Variants in OR2L13 observed in about 807,000 individuals in gnomAD.
OR2L13 encodes olfactory receptor family 2 subfamily L member 13.
OR2L13 carries 14 observed loss-of-function variants against 15.3 expected under a neutral mutation model. That is an observed-to-expected ratio of 0.91 (90% CI 0.60 to 1.43). The LOEUF is 1.43. Among genes scored for constraint, OR2L13 ranks in the 40% most tolerant of loss-of-function variants. OR2L13 has a pLI of 0.00. For missense variants in OR2L13, 367 were observed against 387.9 expected (o/e 0.95, Z 0.45); for synonymous variants, 152 against 142.9 (o/e 1.06, Z -0.45).
the OR2L13 span, among the ~76,000 whole-genome samples, chr1:248,051,393 TTGA>T: frequency 6.6e-6 from 1 of 152,250 alleles, no homozygotes; most frequent in South Asian, 2.1e-4. Context: ...GATTTCTTTG[TTGA>T]TGACCACTTG....
chr1:248,012,840 A>G, the OR2L13 span, among the ~76,000 whole-genome samples: 1 of 152,098 alleles, frequency 6.6e-6, no homozygotes. Context: ...AACATTTATA[A>G]AATTCCAAAT....
chr1:248,084,799 T>C, the OR2L13 span, among the ~76,000 whole-genome samples: 1 of 152,192 alleles, frequency 6.6e-6, no homozygotes, highest in Non-Finnish European at 1.5e-5. Flanking sequence ...ATTAAATTAC[T>C]ACATCCAGCA....
chr1:248,024,963 T>TG, the OR2L13 span, among the ~76,000 whole-genome samples: 7 of 152,176 alleles, frequency 4.6e-5, no homozygotes, highest in African/African-American at 1.4e-4. Context: ...GGTAGCTTGA[T>TG]GGGGTTGGCA....
At chr1:248,005,873 G>T in the OR2L13 span, among the ~76,000 whole-genome samples, 1 of 152,250 alleles carries the variant, frequency 6.6e-6, no homozygotes, top group South Asian at 2.1e-4. Flanking sequence ...CATACATTTT[G>T]AACTTGTTTT....
At chr1:248,034,229 A>G in the OR2L13 span, among the ~76,000 whole-genome samples, 33 of 152,282 alleles carry the variant, frequency 2.2e-4, no homozygotes, top group African/African-American at 7.2e-4. Context: ...AAATGACCAT[A>G]TTGCCAAAAC....
At chr1:247,951,928 C>G in the OR2L13 span, among the ~76,000 whole-genome samples, 2 of 152,064 alleles carry the variant, frequency 1.3e-5, no homozygotes, top group South Asian at 4.1e-4. Context: ...CCAGACACTG[C>G]TTGGGTCCTG....
chr1:248,053,135 G>A, the OR2L13 span, among the ~76,000 whole-genome samples: 1 of 152,070 alleles, frequency 6.6e-6, no homozygotes, highest in South Asian at 2.1e-4. Context: ...GCCCCAGTAA[G>A]TGTTGTTCTC....
the OR2L13 span, chr1:248,021,860 T>C: frequency 1.9e-6 from 2 of 1,067,044 alleles, no homozygotes; most frequent in Non-Finnish European, 2.8e-6. Context: ...ACTGGAGGCC[T>C]TGGAATGCAA....
the OR2L13 span, among the ~76,000 whole-genome samples, chr1:247,983,870 T>C: frequency 6.6e-6 from 1 of 152,216 alleles, no homozygotes; most frequent in Non-Finnish European, 1.5e-5. Context: ...TCTGCCTTAT[T>C]GGGAAGTGCT....
the OR2L13 span, among the ~76,000 whole-genome samples, chr1:248,026,203 G>A: frequency 6.6e-6 from 1 of 152,092 alleles, no homozygotes; most frequent in African/African-American, 2.4e-5. Context: ...AAAAAGAAAA[G>A]CCCTGGATTA....
At chr1:248,058,968 A>G in the OR2L13 span, among the ~76,000 whole-genome samples, 1 of 152,084 alleles carries the variant, frequency 6.6e-6, no homozygotes, top group South Asian at 2.1e-4. Context: ...TTAATTTTCA[A>G]AGGTCCTTTA....
the OR2L13 span, among the ~76,000 whole-genome samples, chr1:248,064,215 G>T: frequency 6.6e-6 from 1 of 152,152 alleles, no homozygotes; most frequent in East Asian, 1.9e-4. Context: ...GGCCTTTTGG[G>T]AAATGATTAG....
the OR2L13 span, chr1:248,039,282 A>G: frequency 7.4e-7 from 1 of 1,345,180 alleles, no homozygotes; most frequent in African/African-American, 1.5e-5. Context: ...GAAAAACATT[A>G]TTACATGCCC....
chr1:248,073,648 TA>T, the OR2L13 span, among the ~76,000 whole-genome samples: 2 of 149,228 alleles, frequency 1.3e-5, no homozygotes, highest in Admixed American at 6.7e-5. Context: ...AAAAAAGAAT[TA>T]AAAAAATAAA....
the OR2L13 span, among the ~76,000 whole-genome samples, chr1:247,955,816 G>A: frequency 3.3e-5 from 5 of 152,052 alleles, no homozygotes; most frequent in Admixed American, 2.0e-4. Flanking sequence ...ATTTGTTTGA[G>A]TTCATTGTAG....
chr1:248,066,591 T>G, the OR2L13 span, among the ~76,000 whole-genome samples: 1 of 152,218 alleles, frequency 6.6e-6, no homozygotes, highest in East Asian at 1.9e-4. Context: ...CATTTGGGAC[T>G]TAATCTCAGC....
chr1:248,082,516 CAT>C, the OR2L13 span, among the ~76,000 whole-genome samples: 7 of 152,034 alleles, frequency 4.6e-5, no homozygotes, highest in Non-Finnish European at 7.4e-5. Flanking sequence ...AAGAAAAAAA[CAT>C]ATTATTTCTT....
chr1:248,033,893 G>T, the OR2L13 span, among the ~76,000 whole-genome samples: 1 of 152,142 alleles, frequency 6.6e-6, no homozygotes, highest in Non-Finnish European at 1.5e-5. Context: ...CAGTCAGAAA[G>T]AGAATGAAAT....
At chr1:248,027,240 A>G in the OR2L13 span, among the ~76,000 whole-genome samples, 3 of 152,136 alleles carry the variant, frequency 2.0e-5, no homozygotes, top group Non-Finnish European at 2.9e-5. Flanking sequence ...GGACAAGGAA[A>G]TTCCTGCCTA....
Sources: gnomAD v4.1 joint callset for allele counts (sites outside exome capture counted in the v4.1 genomes callset) on GRCh38, gnomAD v4.1.1 for gene constraint, MANE v1.5 for transcripts, NCBI Gene and HGNC (gene_info 2026-07-23, HGNC 2026-07-21) for gene names.